The following RNF170 variants were observed in gnomAD, a reference collection of about 807,000 sequenced individuals.
The protein encoded by RNF170 is E3 ubiquitin-protein ligase RNF170.
RNF170 carries 12 observed loss-of-function variants against 32.7 expected under a neutral mutation model. That is an observed-to-expected ratio of 0.37 (90% CI 0.24 to 0.60). The LOEUF (loss-of-function observed/expected upper bound fraction) is 0.60. RNF170 is among the 20% of genes least tolerant of loss of function. The probability of loss-of-function intolerance (pLI) is 0.72; values close to 1 mark genes in which losing one functional copy is unlikely to be tolerated. For synonymous variants in RNF170, 91 were observed against 103.6 expected (o/e 0.88, Z 0.74); for missense variants, 212 against 311.2 (o/e 0.68, Z 2.40).
chr8:42,890,436 C>G (rs927084127), intron 1 of RNF170, among the ~76,000 whole-genome samples: 3 of 151,892 alleles, frequency 2.0e-5, no homozygotes, highest in Non-Finnish European at 4.4e-5. Context: ...CCCCACCACA[C>G]CCGGCTAATT....
In RNF170 at chr8:42,876,808, C is replaced by T. The variant is rs534337193; in HGVS notation, c.138-2802G>A. Among the ~76,000 whole-genome samples the T allele has an allele frequency of 1.5e-3, 226 of 151,874 alleles. 1 individual carries two copies. Among genetic ancestry groups the T allele is most frequent in the African/African-American group, 4.9e-3 (204 of 41,398 alleles). ...CCAAGTAGCTGGGACTATAGCTGCA[C>T]GCCACCACACCCTAATTTTTGTATT... On this transcript the variant is annotated intron_variant, in intron 2 of 6. Coordinates refer to ENST00000527424, the MANE Select transcript of RNF170 (RefSeq NM_030954.4).
intron 2 of RNF170, among the ~76,000 whole-genome samples, chr8:42,883,485 C>G (rs1280094164): frequency 2.1e-5 from 3 of 145,620 alleles, no homozygotes; most frequent in Non-Finnish European, 4.5e-5. Context: ...AGAAGAATCG[C>G]TTGAACCCGG....
chr8:42,888,519 A>G (rs1453036969), intron 1 of RNF170, among the ~76,000 whole-genome samples: 3 of 150,436 alleles, frequency 2.0e-5, no homozygotes, highest in African/African-American at 7.3e-5. Flanking sequence ...TCCCAGCATT[A>G]TGGGAGGCTG....
intron 5 of RNF170, 39 bp from the exon 6 acceptor site, chr8:42,861,894 C>G: frequency 1.3e-6 from 2 of 1,549,494 alleles, no homozygotes; most frequent in Non-Finnish European, 1.8e-6. Flanking sequence ...CAACTTTCTG[C>G]ATCATTATGT....
rs1803044614 is a variant in RNF170 at position 42,853,907 on chromosome 8, ATAT to A, written c.*2249_*2251del. ...AGGAAAGTCTTAGTAGTAACTCCAAATATTATAATTATTGTAACCAGAATTGTG... is the reference window on the plus strand; with the variant it reads ...AGGAAAGTCTTAGTAGTAACTCCAAATATAATTATTGTAACCAGAATTGTG... On this transcript the variant is annotated 3_prime_UTR_variant, in exon 7 of 7. Transcript: ENST00000527424. 1 of 1,287,110 alleles carries A rather than the reference ATAT, an allele frequency of 7.8e-7. No homozygotes were observed. The highest frequency in any genetic ancestry group is 1.0e-6 in the Non-Finnish European group (1 of 988,592). The allele number at this position is 1,287,110 out of a possible 1,614,324, so 79.7% of individuals were successfully genotyped here.
chr8:42,874,107 T>C, intron 2 of RNF170, 101 bp from the exon 3 acceptor site: 2 of 735,044 alleles, frequency 2.7e-6, no homozygotes, highest in Non-Finnish European at 4.9e-6. Context: ...TGGTAATTAA[T>C]GTAATTGATG....
At position 42,855,137 on chromosome 8, in the gene RNF170, T is replaced by A; in HGVS notation, c.*1022A>T. On this transcript the variant is annotated 3_prime_UTR_variant, in exon 7 of 7. Transcript: ENST00000527424. Reference sequence around the variant, plus strand: ...CCTAAAACAATCTTCCCTTTACAAATTACTTTTATATCTACTACGAAAGGA... The same window carrying A: ...CCTAAAACAATCTTCCCTTTACAAAATACTTTTATATCTACTACGAAAGGA... The A allele has an allele frequency of 7.8e-7, 1 of 1,287,208 alleles. No homozygotes were observed. The highest frequency in any genetic ancestry group is 1.0e-6 in the Non-Finnish European group (1 of 988,682). 79.7% of individuals were successfully genotyped at this position (1,287,208 alleles called of 1,614,324 possible). A position where few individuals can be genotyped will look rare whatever the true frequency, so the allele number is the denominator to read the frequency against.
chr8:42,852,165 C>T (rs1469367344), downstream of RNF170, among the ~76,000 whole-genome samples: 2 of 152,170 alleles, frequency 1.3e-5, no homozygotes, highest in African/African-American at 2.4e-5. Flanking sequence ...ACCCAAGGAT[C>T]ACCTGCCAGC....
rs745713816 is a variant in RNF170, at chr8:42,874,022, T to C, written c.138-16A>G. ...ATGTACATTTCTGTTGAATAGAATA[T>C]AATAAATTTTGAATAGAAAATATTA... is the stretch of plus-strand genomic sequence containing the variant. On this transcript the variant is annotated splice_polypyrimidine_tract_variant and intron_variant, in intron 2 of 6. Coordinates refer to ENST00000527424, the MANE Select transcript of RNF170 (RefSeq NM_030954.4). 2.7e-6 allele frequency: 4 copies of C among 1,467,756 alleles called. 1 individual carries two copies. The South Asian group carries it at 4.6e-5, about 17-fold the overall frequency. 90.9% of individuals were successfully genotyped at this position (1,467,756 alleles called of 1,614,324 possible). A position where few individuals can be genotyped will look rare whatever the true frequency, so the allele number is the denominator to read the frequency against.
Position 42,896,599 on chromosome 8 carries a change from G to T in RNF170, c.-123C>A, listed in dbSNP as rs768920926. On this transcript the variant is annotated 5_prime_UTR_variant, in exon 1 of 7. Transcript: ENST00000527424. Reference sequence around the variant, plus strand: ...CCACTAGACGTCCCCTTTCTAATTTGGAGTGCGGGTGCGGGCGCACGCGCA... The same window carrying T: ...CCACTAGACGTCCCCTTTCTAATTTTGAGTGCGGGTGCGGGCGCACGCGCA... 1 of 453,746 alleles carries T rather than the reference G, an allele frequency of 2.2e-6. No homozygotes were observed. Among genetic ancestry groups the T allele is most frequent in the South Asian group, 1.6e-5 (1 of 64,498 alleles). The allele number at this position is 453,746 out of a possible 1,614,324, so 28.1% of individuals were successfully genotyped here. A position where few individuals can be genotyped will look rare whatever the true frequency, so the allele number is the denominator to read the frequency against.
At chr8:42,850,847 G>T (rs1290558573), downstream of RNF170, 1 of 1,551,632 alleles carries the variant, frequency 6.4e-7, no homozygotes. Flanking sequence ...CATAAACGTG[G>T]TGAGGCTGAA....
chr8:42,865,299 T>A (rs1804002415), intron 5 of RNF170, 117 bp downstream of exon 5: 1 of 710,222 alleles, frequency 1.4e-6, no homozygotes, highest in Non-Finnish European at 2.5e-6. Flanking sequence ...CAAAGAAGAT[T>A]TGGATAAATG....
chr8:42,884,111 G>A (rs1227016427), intron 2 of RNF170, among the ~76,000 whole-genome samples: 1 of 151,196 alleles, frequency 6.6e-6, no homozygotes, highest in Non-Finnish European at 1.5e-5. Context: ...ATGGAGTTTC[G>A]CTCTTGTCAC....
chr8:42,887,647 A>G, intron 2 of RNF170, 81 bp downstream of exon 2: 3 of 1,242,204 alleles, frequency 2.4e-6, no homozygotes, highest in South Asian at 2.4e-5. Context: ...TGCTGTTCAT[A>G]TTAAGTATTA....
intron 6 of RNF170, among the ~76,000 whole-genome samples, chr8:42,858,918 C>T (rs1803447177): frequency 6.6e-6 from 1 of 152,242 alleles, no homozygotes; most frequent in Non-Finnish European, 1.5e-5. Context: ...AGTGGTGGCT[C>T]ATGCCTGTAA....
At chr8:42,868,164 G>C (rs576170203) in intron 4 of RNF170, among the ~76,000 whole-genome samples, 1 of 152,300 alleles carries the variant, frequency 6.6e-6, no homozygotes, top group South Asian at 2.1e-4. Flanking sequence ...AGACTGGAAT[G>C]AGTAGATGAA....
At position 42,854,498 on chromosome 8, in the gene RNF170, T is replaced by A; in HGVS notation, c.*1661A>T. The A allele has an allele frequency of 7.8e-7, 1 of 1,286,846 alleles. No individual in the cohort carries two copies. The highest frequency in any genetic ancestry group is 1.0e-6 in the Non-Finnish European group (1 of 988,338). 79.7% of individuals were successfully genotyped at this position (1,286,846 alleles called of 1,614,324 possible). A position where few individuals can be genotyped will look rare whatever the true frequency, so the allele number is the denominator to read the frequency against. On this transcript the variant is annotated 3_prime_UTR_variant, in exon 7 of 7. Coordinates refer to ENST00000527424, the MANE Select transcript of RNF170 (RefSeq NM_030954.4). ...ATGAAAAGTATGTGAGAAACCTGCT[T>A]TAATTATAATGTGCTATGTTTAAGC...
chr8:42,880,847 G>GT (rs1322617410), intron 2 of RNF170, among the ~76,000 whole-genome samples: 4 of 152,184 alleles, frequency 2.6e-5, no homozygotes, highest in Non-Finnish European at 5.9e-5. Flanking sequence ...TTAACATGGA[G>GT]TCAAGACTCT....
chr8:42,851,336 C>T (rs991383156), downstream of RNF170, among the ~76,000 whole-genome samples: 4 of 151,948 alleles, frequency 2.6e-5, no homozygotes, highest in African/African-American at 7.2e-5. Flanking sequence ...CCGGGACTGG[C>T]GGATTACCTG....
Sources: gnomAD v4.1 joint callset for allele counts (sites outside exome capture counted in the v4.1 genomes callset) on GRCh38, gnomAD v4.1.1 for gene constraint, MANE v1.5 for transcripts, NCBI Gene and HGNC (gene_info 2026-07-23, HGNC 2026-07-21) for gene names.